DDX46: variants seen among roughly 807,000 people sequenced by gnomAD.
DDX46 encodes the protein probable ATP-dependent RNA helicase DDX46.
In DDX46, 30 loss-of-function variants were observed where a neutral mutation model predicts 134.9. That is an observed-to-expected ratio of 0.22 (90% CI 0.17 to 0.30). The LOEUF is 0.30. Among genes scored for constraint, DDX46 ranks in the 10% least tolerant of loss-of-function variants. The probability of loss-of-function intolerance (pLI) is 1.00; values close to 1 mark genes in which losing one functional copy is unlikely to be tolerated. For missense variants in DDX46, 622 were observed against 1,248.7 expected (o/e 0.50, Z 7.56); for synonymous variants, 415 against 404.1 (o/e 1.03, Z -0.32).
intron 3 of DDX46, 107 bp from the exon 4 acceptor site, chr5:134,770,796 G>A (rs1171890185): frequency 1.1e-5 from 10 of 935,218 alleles, no homozygotes; most frequent in African/African-American, 7.2e-5. Context: ...CAGTCTGGGC[G>A]ACAGAGTGAG....
intron 5 of DDX46, among the ~76,000 whole-genome samples, chr5:134,774,661 A>G (rs1387515105): frequency 6.6e-6 from 1 of 152,126 alleles, no homozygotes; most frequent in Non-Finnish European, 1.5e-5. Flanking sequence ...GAGTAAATTA[A>G]GGGCATGCTT....
At chr5:134,779,972 G>A (rs1465765298) in intron 6 of DDX46, among the ~76,000 whole-genome samples, 2 of 152,096 alleles carry the variant, frequency 1.3e-5, no homozygotes, top group African/African-American at 2.4e-5. Context: ...GATGGCGGAC[G>A]CCTCTAATCC....
At chr5:134,811,960 G>T (rs1755157667) in intron 18 of DDX46, 115 bp downstream of exon 18, 1 of 1,349,430 alleles carries the variant, frequency 7.4e-7, no homozygotes, top group African/African-American at 1.5e-5. Context: ...ACAAGAGGTT[G>T]GTTCCAGAAC....
intron 3 of DDX46, among the ~76,000 whole-genome samples, chr5:134,767,962 A>AT (rs1197346451): frequency 4.0e-5 from 6 of 151,732 alleles, no homozygotes; most frequent in African/African-American, 1.5e-4. Flanking sequence ...AAAAAAAAAA[A>AT]CAAAAAAAAG....
At position 134,783,848 on chromosome 5, in the gene DDX46, C is replaced by CTT. The variant is rs60870042; in HGVS notation, c.1167-501_1167-500dup. On this transcript the variant is annotated intron_variant, in intron 9 of 22. Transcript: ENST00000452510. ...ACAGGCGTGAGCCACCAAGGCCGGC[C>CTT]TTTTTTTTTTTTTTTTTTAAGAGAT... Among the ~76,000 whole-genome samples the CTT allele has an allele frequency of 7.2e-3, 944 of 131,288 alleles. 14 individuals are homozygous for CTT. The highest frequency in any genetic ancestry group is 0.025 in the African/African-American group (894 of 35,346). The allele number at this position is 131,288 out of a possible 152,430, so 86.1% of individuals were successfully genotyped here.
intron 4 of DDX46, among the ~76,000 whole-genome samples, chr5:134,771,465 G>A (rs1488353575): frequency 6.9e-6 from 1 of 145,398 alleles, no homozygotes; most frequent in African/African-American, 2.5e-5. Context: ...GGCCGAGGCG[G>A]GTGGATCATG....
At chr5:134,782,847 A>G in intron 8 of DDX46, 98 bp from the exon 9 acceptor site, 10 of 1,475,062 alleles carry the variant, frequency 6.8e-6, no homozygotes, top group South Asian at 5.3e-5. Flanking sequence ...TGGGTCTGGC[A>G]TAAGAGTTAA....
chr5:134,791,873 A>C (rs1433830404), intron 13 of DDX46, among the ~76,000 whole-genome samples: 1 of 152,220 alleles, frequency 6.6e-6, no homozygotes, highest in East Asian at 1.9e-4. Flanking sequence ...TATGCGAAAC[A>C]GTTAAAATGA....
rs1317804504 is a variant in DDX46 at position 134,795,004 on chromosome 5, A to G, written c.1781A>G (p.Glu594Gly). The change falls in exon 14 of 23, where the codon GAG becomes GGG. Residue 594 changes from glutamate (E) to glycine (G), a missense_variant. Glu to Gly is a moderately conservative substitution (Grantham distance 98). This residue lies in a region of DDX46 where 209 missense variants were observed against 508.4 expected (regional missense o/e 0.41). Coordinates refer to ENST00000452510, the MANE Select transcript of DDX46 (RefSeq NM_001300860.2). The part of the protein sequence containing the change: ...GGRSVVCSDV[E>G]QQVIVIEEEK... Reference sequence around the variant, plus strand: ...AGGAGTGTGGTTTGCTCAGATGTGGAGCAACAAGTGGTGGGTACCATCTTT... The same window carrying G: ...AGGAGTGTGGTTTGCTCAGATGTGGGGCAACAAGTGGTGGGTACCATCTTT... The G allele has an allele frequency of 6.2e-7, 1 of 1,614,018 alleles. No individual in the cohort carries two copies. The highest frequency in any genetic ancestry group is 1.1e-5 in the South Asian group (1 of 91,064).
chr5:134,793,949 A>G lies in DDX46; in HGVS notation c.1627-901A>G, dbSNP rs760231079. ...TCTCTGGATATTCATTTGTTTTTTA[A>G]TCTCCTAGTATTTAATTTTTGGCTG... On this transcript the variant is annotated intron_variant, in intron 13 of 22. Coordinates refer to ENST00000452510, the MANE Select transcript of DDX46 (RefSeq NM_001300860.2). Among the ~76,000 whole-genome samples, 141 of 151,942 alleles carry G rather than the reference A, an allele frequency of 9.3e-4. 4 individuals are homozygous for G. Among genetic ancestry groups the G allele is most frequent in the Non-Finnish European group, 3.7e-4 (25 of 67,984 alleles).
chr5:134,794,129 A>T (rs1754584137), intron 13 of DDX46, among the ~76,000 whole-genome samples: 1 of 152,168 alleles, frequency 6.6e-6, no homozygotes, highest in Non-Finnish European at 1.5e-5. Flanking sequence ...CTCTGTGATC[A>T]GAGTAGCAAT....
chr5:134,789,979 G>A (rs940257804), intron 12 of DDX46: 32 of 402,502 alleles, frequency 8.0e-5, no homozygotes, highest in Non-Finnish European at 1.1e-4. Flanking sequence ...GCCCATTTAA[G>A]AAGCTTCTAA....
At chr5:134,800,841 A>G (rs1008162177) in intron 15 of DDX46, among the ~76,000 whole-genome samples, 6 of 151,978 alleles carry the variant, frequency 3.9e-5, no homozygotes, top group Non-Finnish European at 7.4e-5. Context: ...TCGTCTCACT[A>G]ATTTTTGTAT....
Position 134,765,196 on chromosome 5 carries a change from G to C in DDX46, c.206+1104G>C, listed in dbSNP as rs375399147. The stretch of plus-strand genomic sequence containing the variant: ...TGATTCTCATGCCTCAGCCTCTTGA[G>C]TAACTGGGATTACAGGCATGCTCCA... On this transcript the variant is annotated intron_variant, in intron 2 of 22. Coordinates refer to ENST00000452510, the MANE Select transcript of DDX46 (RefSeq NM_001300860.2). Among the ~76,000 whole-genome samples, 81 of 151,260 alleles carry C rather than the reference G, an allele frequency of 5.4e-4. No individual in the cohort carries two copies. The South Asian group carries it at 0.015, about 28-fold the overall frequency.
chr5:134,821,476 C>T (rs2150161421), intron 21 of DDX46, among the ~76,000 whole-genome samples: 1 of 151,730 alleles, frequency 6.6e-6, no homozygotes. Flanking sequence ...TGTGCCCCAC[C>T]GTGTTAAAGC....
intron 3 of DDX46, among the ~76,000 whole-genome samples, chr5:134,768,827 G>A (rs1349466138): frequency 2.6e-5 from 4 of 152,106 alleles, no homozygotes; most frequent in Admixed American, 6.6e-5. Flanking sequence ...TTGGGAGGCC[G>A]AGGTGGATGG....
intron 15 of DDX46, among the ~76,000 whole-genome samples, chr5:134,802,159 C>CTTTTTTTTTTT (rs542615882): frequency 1.4e-5 from 1 of 73,264 alleles, no homozygotes; most frequent in Non-Finnish European, 2.5e-5. Flanking sequence ...TAATTTCTTT[C>CTTTTTTTTTTT]TTTTTTTTTT....
chr5:134,777,849 A>T, intron 6 of DDX46, 124 bp downstream of exon 6: 1 of 1,171,790 alleles, frequency 8.5e-7, no homozygotes, highest in Non-Finnish European at 1.2e-6. Flanking sequence ...CTCATCTGAG[A>T]GATGGCAGTA....
intron 15 of DDX46, among the ~76,000 whole-genome samples, chr5:134,802,886 GTTTTGT>G (rs1456471545): frequency 6.6e-6 from 1 of 152,158 alleles, no homozygotes; most frequent in Non-Finnish European, 1.5e-5. Flanking sequence ...GTCAAGTGGT[GTTTTGT>G]TTTTGTTTTT....
Sources: gnomAD v4.1 joint callset for allele counts (sites outside exome capture counted in the v4.1 genomes callset) on GRCh38, gnomAD v4.1.1 for gene constraint, gnomAD v4.1.1 regional missense constraint, MANE v1.5 for transcripts, NCBI Gene and HGNC (gene_info 2026-07-23, HGNC 2026-07-21) for gene names.